The following TEX101 variants were observed in gnomAD, a reference collection of about 807,000 sequenced individuals.
TEX101 encodes testis-expressed protein 101.
Under a neutral mutation model 18.1 loss-of-function variants are expected in TEX101, and 10 were observed. The ratio of observed to expected loss-of-function variants is 0.55; its 90% CI spans 0.34 to 0.94. TEX101 has a LOEUF of 0.94. Among genes scored for constraint, TEX101 ranks in the 40% least tolerant of loss-of-function variants. The pLI is 0.02. For missense variants in TEX101, 259 were observed against 298.9 expected (o/e 0.87, Z 0.98); for synonymous variants, 94 against 114.8 (o/e 0.82, Z 1.16).
In TEX101 at chr19:43,415,995, G is replaced by T; in HGVS notation, c.64+12G>T. ...CTCCCTCCTGACCTGTGCGTATGGG[G>T]GACATAGGGGAGAGCCGTGTGTCAC... On this transcript the variant is annotated intron_variant, in intron 2 of 5. Coordinates refer to ENST00000598265, the MANE Select transcript of TEX101 (RefSeq NM_001130011.3). The T allele has an allele frequency of 6.2e-7, 1 of 1,613,666 alleles. No individual in the cohort carries two copies. Among genetic ancestry groups the T allele is most frequent in the Non-Finnish European group, 8.5e-7 (1 of 1,179,806 alleles).
chr19:43,411,604 A>G (rs1335927957), upstream of TEX101, among the ~76,000 whole-genome samples: 4 of 151,930 alleles, frequency 2.6e-5, no homozygotes, highest in Non-Finnish European at 4.4e-5. Context: ...CTATTTGCCA[A>G]CCATTGCTCT....
intron 3 of TEX101, among the ~76,000 whole-genome samples, chr19:43,409,295 T>G (rs151099895): frequency 4.6e-5 from 7 of 152,222 alleles, no homozygotes; most frequent in Non-Finnish European, 1.0e-4. Flanking sequence ...TACCTGTGAT[T>G]GGCTGAGACT....
the TEX101 span, among the ~76,000 whole-genome samples, chr19:43,388,956 G>A: frequency 5.4e-4 from 82 of 152,028 alleles, no homozygotes; most frequent in African/African-American, 1.8e-3. Context: ...GCTGCTCCCC[G>A]GGGTTCCTCC....
upstream of TEX101, among the ~76,000 whole-genome samples, chr19:43,410,637 C>T (rs772300835): frequency 1.3e-5 from 2 of 151,956 alleles, no homozygotes; most frequent in East Asian, 3.9e-4. Context: ...TAATCATATG[C>T]TGAGTACACA....
chr19:43,415,557 T>G (rs1173956999), intron 1 of TEX101, among the ~76,000 whole-genome samples: 4 of 151,720 alleles, frequency 2.6e-5, no homozygotes, highest in Non-Finnish European at 5.9e-5. Context: ...AGATCAGGAG[T>G]TCGAGACCAG....
At chr19:43,416,592 AC>A (rs1970482607) in intron 4 of TEX101, 37 bp downstream of exon 4, 1 of 1,586,546 alleles carries the variant, frequency 6.3e-7, no homozygotes, top group Admixed American at 1.7e-5. Flanking sequence ...ACTAAGAGAA[AC>A]TCCATAAAGA....
intron 3 of TEX101, among the ~76,000 whole-genome samples, chr19:43,409,215 A>G (rs1356854757): frequency 6.6e-6 from 1 of 152,228 alleles, no homozygotes; most frequent in Admixed American, 6.5e-5. Context: ...TAAGGAAGGC[A>G]CTGAAATAGC....
At chr19:43,390,929 C>A in the TEX101 span, among the ~76,000 whole-genome samples, 4 of 152,138 alleles carry the variant, frequency 2.6e-5, no homozygotes, top group South Asian at 2.1e-4. Flanking sequence ...CAGCCACTGA[C>A]AACCACCTTT....
upstream of TEX101, among the ~76,000 whole-genome samples, chr19:43,399,198 G>C (rs1447580244): frequency 6.6e-6 from 1 of 152,012 alleles, no homozygotes; most frequent in African/African-American, 2.4e-5. Context: ...GTAAATTCTG[G>C]TTGCATTTTT....
the TEX101 span, among the ~76,000 whole-genome samples, chr19:43,390,294 G>T: frequency 3.9e-5 from 6 of 151,926 alleles, no homozygotes; most frequent in Non-Finnish European, 8.8e-5. Context: ...CTAGCCCCAC[G>T]CCAGACCCAG....
chr19:43,395,211 G>A, the TEX101 span, among the ~76,000 whole-genome samples: 5 of 152,266 alleles, frequency 3.3e-5, no homozygotes, highest in Middle Eastern at 3.4e-3. Flanking sequence ...AGGATGAGCT[G>A]CCTTTCTTTA....
chr19:43,400,238 A>G (rs1970307846), upstream of TEX101, among the ~76,000 whole-genome samples: 1 of 152,192 alleles, frequency 6.6e-6, no homozygotes, highest in Non-Finnish European at 1.5e-5. Context: ...GTCTCCAAGG[A>G]GTCTTGGAGA....
rs950769364 is a variant in TEX101, at chr19:43,416,003, G to C, written c.64+20G>C. 1.9e-6 allele frequency: 3 copies of C among 1,613,636 alleles called. No homozygotes were observed. Among genetic ancestry groups the C allele is most frequent in the East Asian group, 2.2e-5 (1 of 44,864 alleles). Reference sequence around the variant, plus strand: ...TGACCTGTGCGTATGGGGGACATAGGGGAGAGCCGTGTGTCACAGAAGGTG... The same window carrying C: ...TGACCTGTGCGTATGGGGGACATAGCGGAGAGCCGTGTGTCACAGAAGGTG... On this transcript the variant is annotated intron_variant, in intron 2 of 5. Transcript: ENST00000598265.
chr19:43,397,941 TAA>T (rs1353435467), upstream of TEX101, among the ~76,000 whole-genome samples: 1 of 23,794 alleles, frequency 4.2e-5, no homozygotes, highest in Admixed American at 1.0e-3. Context: ...ATATAATATA[TAA>T]AAATATATAT....
Position 43,415,186 on chromosome 19 carries a change from G to C in TEX101, c.-40+148G>C, listed in dbSNP as rs150069207. The C allele has an allele frequency of 2.0e-3, 899 of 438,960 alleles. 8 individuals carry two copies. Among genetic ancestry groups the C allele is most frequent in the African/African-American group, 0.018 (832 of 47,154 alleles). 27.2% of individuals were successfully genotyped at this position (438,960 alleles called of 1,614,324 possible). ...CCCAGACTCCTCGATCCCTACATAG[G>C]ACGGGGCTGGGCTCTCAGAATCCCG... On this transcript the variant is annotated intron_variant, in intron 1 of 5. Transcript: ENST00000598265.
intron 3 of TEX101, chr19:43,406,598 G>C (rs890332279): frequency 1.6e-6 from 1 of 606,478 alleles, no homozygotes; most frequent in Non-Finnish European, 3.0e-6. Context: ...AGTCGGGCGC[G>C]AGTTTCGAGA....
the TEX101 span, among the ~76,000 whole-genome samples, chr19:43,390,560 C>T: frequency 1.1e-4 from 16 of 146,376 alleles, no homozygotes; most frequent in East Asian, 4.3e-4. Flanking sequence ...CTTCACCTCC[C>T]GGGTTCAACC....
At chr19:43,397,035 A>ACCC (rs1211442361), upstream of TEX101, among the ~76,000 whole-genome samples, 1 of 145,188 alleles carries the variant, frequency 6.9e-6, no homozygotes, top group Non-Finnish European at 1.6e-5. Flanking sequence ...ACGGGGTTTC[A>ACCC]CCATGTTAGC....
At chr19:43,396,472 C>T in the TEX101 span, among the ~76,000 whole-genome samples, 1 of 152,166 alleles carries the variant, frequency 6.6e-6, no homozygotes, top group Non-Finnish European at 1.5e-5. Context: ...TTCTTTTACT[C>T]TAATAGGCGC....
Sources: allele counts gnomAD v4.1 joint callset (sites outside exome capture counted in the v4.1 genomes callset), GRCh38; gene constraint gnomAD v4.1.1; transcripts MANE v1.5; gene names NCBI Gene and HGNC (gene_info 2026-07-23, HGNC 2026-07-21).